The following MTA3 variants were observed in gnomAD, a reference collection of about 807,000 sequenced individuals.
The protein encoded by MTA3 is metastasis-associated protein MTA3.
In MTA3, 34 loss-of-function variants were observed where a neutral mutation model predicts 83.5. That is an observed-to-expected ratio of 0.41 (90% CI 0.31 to 0.54). The LOEUF is 0.54. Among genes scored for constraint, MTA3 ranks in the 20% least tolerant of loss-of-function variants. The probability of loss-of-function intolerance (pLI) is 0.33; values close to 1 mark genes in which losing one functional copy is unlikely to be tolerated. For synonymous variants in MTA3, 303 were observed against 252.7 expected, an observed-to-expected ratio of 1.20 and a Z score of -1.89; for missense variants, 761 against 726.4, an observed-to-expected ratio of 1.05 and a Z score of -0.55.
intron 4 of MTA3, among the ~76,000 whole-genome samples, chr2:42,636,270 G>T (rs1687184947): frequency 6.6e-6 from 1 of 152,286 alleles, no homozygotes; most frequent in East Asian, 1.9e-4. Flanking sequence ...GCCAAGTGTG[G>T]TGGCTCATGT....
intron 16 of MTA3, among the ~76,000 whole-genome samples, chr2:42,741,171 T>G (rs1396517364): frequency 6.6e-6 from 1 of 152,236 alleles, no homozygotes; most frequent in Non-Finnish European, 1.5e-5. Context: ...AGCTTCAAAC[T>G]TTTCTTCTCC....
In MTA3 at chr2:42,754,086, T is replaced by C. The variant is rs923094657; in HGVS notation, c.*687T>C. Reference sequence around the variant, plus strand: ...CTGTAAACTCATCATCTGTGTTTTGTGGTTGGAGAGAAACTGGTGTTCTGC... The same window carrying C: ...CTGTAAACTCATCATCTGTGTTTTGCGGTTGGAGAGAAACTGGTGTTCTGC... On this transcript the variant is annotated 3_prime_UTR_variant, in exon 17 of 17. Coordinates refer to ENST00000405094, the MANE Select transcript of MTA3 (RefSeq NM_001330442.2). The C allele has an allele frequency of 8.1e-6, 8 of 985,344 alleles. No individual in the cohort carries two copies. The highest frequency in any genetic ancestry group is 9.6e-6 in the Non-Finnish European group (8 of 829,992). 61.0% of individuals were successfully genotyped at this position (985,344 alleles called of 1,614,324 possible).
chr2:42,514,468 C>T (rs1330452084), intron 2 of MTA3, among the ~76,000 whole-genome samples: 2 of 151,956 alleles, frequency 1.3e-5, no homozygotes, highest in Admixed American at 1.3e-4. Context: ...ACTACAACCT[C>T]CACCTCCAGG....
chr2:42,643,045 C>CT (rs1687843298), intron 5 of MTA3, among the ~76,000 whole-genome samples: 1 of 107,134 alleles, frequency 9.3e-6, no homozygotes, highest in African/African-American at 3.5e-5. Context: ...CCCCCCCCCC[C>CT]CTTTTTTTTT....
chr2:42,646,358 G>T (rs909612582), intron 6 of MTA3, among the ~76,000 whole-genome samples: 3 of 152,126 alleles, frequency 2.0e-5, no homozygotes, highest in Non-Finnish European at 2.9e-5. Flanking sequence ...TTATTATTAA[G>T]AAATAACATC....
Position 42,644,133 on chromosome 2 carries a change from T to G in MTA3, c.388T>G (p.Phe130Val). The G allele has an allele frequency of 6.3e-7, 1 of 1,594,220 alleles. No individual in the cohort carries two copies. The highest frequency in any genetic ancestry group is 8.5e-7 in the Non-Finnish European group (1 of 1,169,696). Reference protein sequence around the residue: ...VLSYLDKEDTFFYSLVYDPSL... With the variant: ...VLSYLDKEDTVFYSLVYDPSL... ...ATTTTGTCATATTTTTCAGGATACCTTCTTCTACTCATTGGTCTATGACCC... is the reference window on the plus strand; with the variant it reads ...ATTTTGTCATATTTTTCAGGATACCGTCTTCTACTCATTGGTCTATGACCC... Residue 130 changes from phenylalanine (F) to valine (V), a missense_variant, in exon 6 of 17, where the codon TTC becomes GTC. Transcript: ENST00000405094.
intron 2 of MTA3, among the ~76,000 whole-genome samples, chr2:42,554,677 T>A (rs557179143): frequency 7.9e-5 from 12 of 152,280 alleles, no homozygotes; most frequent in Non-Finnish European, 1.8e-4. Context: ...CCTTTTGAGA[T>A]CTCCTCTTTC....
chr2:42,517,878 AAAAG>A (rs1327092644), intron 2 of MTA3, among the ~76,000 whole-genome samples: 13 of 151,132 alleles, frequency 8.6e-5, no homozygotes, highest in African/African-American at 2.7e-4. Flanking sequence ...AAAAAAAAAA[AAAAG>A]AAGAAAAGAA....
intron 4 of MTA3, among the ~76,000 whole-genome samples, chr2:42,631,373 CT>C (rs1686658177): frequency 6.6e-6 from 1 of 152,174 alleles, no homozygotes; most frequent in South Asian, 2.1e-4. Flanking sequence ...ATAACCTTTC[CT>C]TTGAATTAAC....
chr2:42,620,985 G>C (rs1183951511), intron 4 of MTA3, among the ~76,000 whole-genome samples: 2 of 152,172 alleles, frequency 1.3e-5, no homozygotes, highest in Non-Finnish European at 2.9e-5. Flanking sequence ...CTAGTTGTCA[G>C]CCATTCACAA....
chr2:42,560,558 AAAAACAAAAAACAAC>A lies in MTA3; in HGVS notation c.-140-9864_-140-9850del, dbSNP rs1420323457. On this transcript the variant is annotated intron_variant, in intron 2 of 17. Transcript: ENST00000405592. ...CAGAGTGAGACTCCATCTTAAAAAAAAAAACAAAAAACAACAAAACAAAAAACAAACAAAACACAC... is the reference window on the plus strand; with the variant it reads ...CAGAGTGAGACTCCATCTTAAAAAAAAAAACAAAAAACAAACAAAACACAC... Among the ~76,000 whole-genome samples the A allele has an allele frequency of 3.3e-5, 5 of 150,712 alleles. No homozygotes were observed. The South Asian group carries it at 1.0e-3, about 31-fold the overall frequency.
chr2:42,722,698 C>A (rs1408541435), intron 15 of MTA3, among the ~76,000 whole-genome samples, 191 bp from the exon 16 acceptor site: 3 of 152,124 alleles, frequency 2.0e-5, no homozygotes, highest in African/African-American at 7.2e-5. Flanking sequence ...AGGGAAAAAA[C>A]CAGCTTACTT....
intron 6 of MTA3, among the ~76,000 whole-genome samples, chr2:42,646,895 G>A (rs1052803617): frequency 1.3e-5 from 2 of 152,186 alleles, no homozygotes; most frequent in African/African-American, 2.4e-5. Flanking sequence ...GGTGGCACAC[G>A]CCTGTAATCC....
At chr2:42,499,845 A>G (rs987139621) in intron 2 of MTA3, among the ~76,000 whole-genome samples, 6 of 152,060 alleles carry the variant, frequency 3.9e-5, no homozygotes, top group South Asian at 2.1e-4. Flanking sequence ...TATGGCATAG[A>G]TTGTGATGAC....
intron 9 of MTA3, among the ~76,000 whole-genome samples, chr2:42,687,117 ACT>A (rs1692447722): frequency 6.6e-6 from 1 of 152,014 alleles, no homozygotes; most frequent in South Asian, 2.1e-4. Context: ...TTAGAATGAG[ACT>A]CTGTCTCCAC....
Position 42,549,752 on chromosome 2 carries a change from C to T in MTA3, c.-140-20685C>T, listed in dbSNP as rs1164507029. On this transcript the variant is annotated intron_variant, in intron 2 of 17. Transcript: ENST00000405592. The stretch of plus-strand genomic sequence containing the variant: ...TTATATATGTATATAATGGAAAATT[C>T]CAGAAACAAATAATTCAGAAGTTTT... Among the ~76,000 whole-genome samples, 6 of 137,636 alleles carry T rather than the reference C, an allele frequency of 4.4e-5. No individual in the cohort carries two copies. In the East Asian group the frequency reaches 1.0e-3, roughly 23 times the overall value. The allele number at this position is 137,636 out of a possible 152,430, so 90.3% of individuals were successfully genotyped here. A position where few individuals can be genotyped will look rare whatever the true frequency, so the allele number is the denominator to read the frequency against.
chr2:42,720,046 A>G (rs992163111), intron 15 of MTA3, among the ~76,000 whole-genome samples: 6 of 152,160 alleles, frequency 3.9e-5, no homozygotes, highest in Non-Finnish European at 8.8e-5. Flanking sequence ...TAAAAATCAA[A>G]GTGTAGTCTT....
chr2:42,641,721 C>G (rs985528210), intron 5 of MTA3, among the ~76,000 whole-genome samples: 3 of 152,078 alleles, frequency 2.0e-5, no homozygotes, highest in Non-Finnish European at 4.4e-5. Context: ...CAAAAATTAA[C>G]CGGGCGTGGT....
chr2:42,752,328 T>C, intron 16 of MTA3: 7 of 469,524 alleles, frequency 1.5e-5, no homozygotes, highest in South Asian at 1.1e-4. Flanking sequence ...CTGGGTCCTT[T>C]CCTGGCAGCA....
Sources: gnomAD v4.1 joint callset for allele counts (sites outside exome capture counted in the v4.1 genomes callset) on GRCh38, gnomAD v4.1.1 for gene constraint, MANE v1.5 for transcripts, NCBI Gene and HGNC (gene_info 2026-07-23, HGNC 2026-07-21) for gene names.